Variants in FNDC3B observed in about 807,000 individuals in gnomAD.
The protein encoded by FNDC3B is fibronectin type III domain-containing protein 3B.
Under a neutral mutation model 151.5 loss-of-function variants are expected in FNDC3B, and 12 were observed. That is an observed-to-expected ratio of 0.08 (90% CI 0.05 to 0.13). The LOEUF (loss-of-function observed/expected upper bound fraction) is 0.13. Among genes scored for constraint, FNDC3B ranks in the 10% least tolerant of loss-of-function variants. The probability of loss-of-function intolerance (pLI) is 1.00; values close to 1 mark genes in which losing one functional copy is unlikely to be tolerated. For synonymous variants in FNDC3B, 528 were observed against 549.0 expected, an observed-to-expected ratio of 0.96 and a Z score of 0.54; for missense variants, 1,214 against 1,505.3, an observed-to-expected ratio of 0.81 and a Z score of 3.20.
rs541363974 is a variant in FNDC3B, at chr3:172,225,108, T to A, written c.188-1763T>A. ...TTTGCCTTAGACATGTAATTAACAT[T>A]CATTGAATTTAATTTGTTGTTGTTC... On this transcript the variant is annotated intron_variant, in intron 3 of 25. Coordinates refer to ENST00000415807, the MANE Select transcript of FNDC3B (RefSeq NM_022763.4). Among the ~76,000 whole-genome samples, 100 of 152,356 alleles carry A rather than the reference T, an allele frequency of 6.6e-4. 1 individual carries two copies. Among genetic ancestry groups the A allele is most frequent in the South Asian group, 1.7e-3 (8 of 4,830 alleles).
chr3:172,205,518 C>T (rs1484430909), intron 3 of FNDC3B, among the ~76,000 whole-genome samples: 1 of 152,178 alleles, frequency 6.6e-6, no homozygotes, highest in African/African-American at 2.4e-5. Flanking sequence ...TACTAACATG[C>T]CTAGGATCTC....
At chr3:172,063,533 C>G (rs771348926) in intron 1 of FNDC3B, among the ~76,000 whole-genome samples, 3 of 152,238 alleles carry the variant, frequency 2.0e-5, no homozygotes, top group Non-Finnish European at 4.4e-5. Flanking sequence ...GGTTTCTACT[C>G]TTTCCCTTAC....
intron 3 of FNDC3B, among the ~76,000 whole-genome samples, chr3:172,177,740 G>C (rs1322362691): frequency 6.7e-6 from 1 of 149,712 alleles, no homozygotes; most frequent in Non-Finnish European, 1.5e-5. Context: ...AGAACGTGCA[G>C]GTTTATTACA....
chr3:172,178,436 A>G (rs945506270), intron 3 of FNDC3B, among the ~76,000 whole-genome samples: 2 of 151,698 alleles, frequency 1.3e-5, no homozygotes, highest in South Asian at 4.2e-4. Flanking sequence ...GAGTGAGAAG[A>G]GAAGATCACA....
rs932382002 is a variant in FNDC3B at position 172,270,655 on chromosome 3, G to A, written c.791-15271G>A. ...ACACCCACCACTAGCTGACTCTATT[G>A]TGTTTGTTTGTGTACATTTTCTATA... On this transcript the variant is annotated intron_variant, in intron 6 of 25. Coordinates refer to ENST00000415807, the MANE Select transcript of FNDC3B (RefSeq NM_022763.4). 2.0e-5 allele frequency among the ~76,000 whole-genome samples: 3 copies of A among 152,216 alleles called. No individual in the cohort carries two copies. In the East Asian group the frequency reaches 5.8e-4, roughly 29 times the overall value.
chr3:172,137,618 T>C (rs771486095), intron 3 of FNDC3B, among the ~76,000 whole-genome samples: 5 of 152,212 alleles, frequency 3.3e-5, no homozygotes, highest in South Asian at 2.1e-4. Flanking sequence ...GTTGCACCAC[T>C]GCACTCTATC....
intron 2 of FNDC3B, among the ~76,000 whole-genome samples, chr3:172,124,184 T>G (rs532912806): frequency 7.9e-5 from 12 of 152,190 alleles, no homozygotes; most frequent in Non-Finnish European, 1.5e-5. Flanking sequence ...TCTGCCTCCC[T>G]GGTTCAAGCA....
At chr3:172,139,764 G>GT (rs1465252027) in intron 3 of FNDC3B, among the ~76,000 whole-genome samples, 2 of 130,790 alleles carry the variant, frequency 1.5e-5, no homozygotes, top group Admixed American at 7.6e-5. Flanking sequence ...TTTTTTTTTT[G>GT]TTTTTTGAGA....
chr3:172,273,035 T>G (rs761492448), intron 6 of FNDC3B, among the ~76,000 whole-genome samples: 2 of 152,206 alleles, frequency 1.3e-5, no homozygotes, highest in Non-Finnish European at 2.9e-5. Flanking sequence ...TCTGGGCAAG[T>G]ACGATCGTTT....
At chr3:172,232,640 A>G (rs1280313284) in intron 4 of FNDC3B, among the ~76,000 whole-genome samples, 1 of 152,104 alleles carries the variant, frequency 6.6e-6, no homozygotes, top group Non-Finnish European at 1.5e-5. Flanking sequence ...GAAAATATAG[A>G]CCTTTTTTTA....
intron 3 of FNDC3B, among the ~76,000 whole-genome samples, chr3:172,211,060 A>G (rs2108711598): frequency 6.6e-6 from 1 of 152,372 alleles, no homozygotes; most frequent in Middle Eastern, 3.4e-3. Context: ...AATATTTCAT[A>G]TGAAGAGAAC....
chr3:172,330,821 C>A, intron 13 of FNDC3B, 106 bp downstream of exon 13: 2 of 822,878 alleles, frequency 2.4e-6, no homozygotes, highest in Non-Finnish European at 3.8e-6. Context: ...CAAAGCCAAA[C>A]TCTTAATTTC....
intron 25 of FNDC3B, among the ~76,000 whole-genome samples, chr3:172,393,102 C>A (rs1736099973): frequency 6.6e-6 from 1 of 152,060 alleles, no homozygotes; most frequent in Non-Finnish European, 1.5e-5. Context: ...CATGCCCAGC[C>A]ATGAATTTTT....
At position 172,354,478 on chromosome 3, in the gene FNDC3B, T is replaced by C. The variant is rs559149351; in HGVS notation, c.2795+1395T>C. On this transcript the variant is annotated intron_variant, in intron 22 of 25. Coordinates refer to ENST00000415807, the MANE Select transcript of FNDC3B (RefSeq NM_022763.4). ...TATCAGTAAATGAGTATTTTTTCAATAAAGAAATATAAACAATAAAAAAAA... is the reference window on the plus strand; with the variant it reads ...TATCAGTAAATGAGTATTTTTTCAACAAAGAAATATAAACAATAAAAAAAA... Among the ~76,000 whole-genome samples the C allele has an allele frequency of 9.8e-4, 149 of 151,332 alleles. 1 individual carries two copies. The Middle Eastern group carries it at 0.014, about 14-fold the overall frequency.
At chr3:172,370,664 G>T (rs1051725328) in intron 23 of FNDC3B, among the ~76,000 whole-genome samples, 1 of 152,210 alleles carries the variant, frequency 6.6e-6, no homozygotes, top group Non-Finnish European at 1.5e-5. Context: ...AGGTCTGTGT[G>T]TATCTTTTTG....
chr3:172,393,489 T>C (rs531436192), intron 25 of FNDC3B, among the ~76,000 whole-genome samples: 2 of 152,244 alleles, frequency 1.3e-5, no homozygotes, highest in Non-Finnish European at 2.9e-5. Context: ...TGAACAATAC[T>C]GTAGACCAAA....
chr3:172,145,753 G>T (rs1025172928), intron 3 of FNDC3B, among the ~76,000 whole-genome samples: 2 of 151,768 alleles, frequency 1.3e-5, no homozygotes, highest in East Asian at 3.9e-4. Context: ...TTGAGGAAGA[G>T]TAATCTTTGC....
intron 23 of FNDC3B, among the ~76,000 whole-genome samples, chr3:172,369,905 C>T (rs2108354438): frequency 6.6e-6 from 1 of 151,712 alleles, no homozygotes; most frequent in Non-Finnish European, 1.5e-5. Flanking sequence ...TTCTCTCTCT[C>T]TTTCTCTCTC....
At chr3:172,084,856 C>G (rs1468502453) in intron 1 of FNDC3B, among the ~76,000 whole-genome samples, 3 of 152,194 alleles carry the variant, frequency 2.0e-5, no homozygotes, top group Admixed American at 6.5e-5. Context: ...TTCTTGCATA[C>G]TACATAATTT....
Sources: allele counts gnomAD v4.1 joint callset (sites outside exome capture counted in the v4.1 genomes callset), GRCh38; gene constraint gnomAD v4.1.1; transcripts MANE v1.5; gene names NCBI Gene and HGNC (gene_info 2026-07-23, HGNC 2026-07-21).